SLC9B2: variants seen among roughly 807,000 people sequenced by gnomAD.
SLC9B2 encodes sodium/hydrogen exchanger 9B2.
Under a neutral mutation model 52.2 loss-of-function variants are expected in SLC9B2, and 39 were observed. That is an observed-to-expected ratio of 0.75 (90% CI 0.58 to 0.98). The LOEUF (loss-of-function observed/expected upper bound fraction) is 0.98. Among genes scored for constraint, SLC9B2 ranks in the 50% least tolerant of loss-of-function variants. SLC9B2 has a pLI of 0.00. For synonymous variants in SLC9B2, 214 were observed against 227.0 expected, an observed-to-expected ratio of 0.94 and a Z score of 0.51; for missense variants, 626 against 637.5, an observed-to-expected ratio of 0.98 and a Z score of 0.19.
chr4:103,070,393 A>T lies in SLC9B2; in HGVS notation c.-42-2801T>A, dbSNP rs115091123. Among the ~76,000 whole-genome samples, 1,089 of 152,314 alleles carry T rather than the reference A, an allele frequency of 7.1e-3. 19 individuals carry two copies. The highest frequency in any genetic ancestry group is 0.025 in the African/African-American group (1,030 of 41,562). On this transcript the variant is annotated intron_variant, in intron 1 of 11. Transcript: ENST00000394785. ...AAGTTTATTCTCCTTACTCATAGAG[A>T]GGCTCTTAAGGACTCATGCAGAGCC...
chr4:103,041,707 G>A (rs1743659561), intron 9 of SLC9B2, among the ~76,000 whole-genome samples: 1 of 152,074 alleles, frequency 6.6e-6, no homozygotes, highest in Non-Finnish European at 1.5e-5. Flanking sequence ...CACATGGTAA[G>A]TGTTACTCAA....
At chr4:103,050,160 T>G (rs1744538255) in intron 5 of SLC9B2, 80 bp downstream of exon 5, 1 of 1,267,434 alleles carries the variant, frequency 7.9e-7, no homozygotes, top group Admixed American at 2.8e-5. Flanking sequence ...CATTTCCTAA[T>G]GCTTAGTGAT....
downstream of SLC9B2, chr4:103,020,145 CTGTGGTG>C (rs1274235540): frequency 6.9e-6 from 2 of 287,778 alleles, no homozygotes; most frequent in African/African-American, 4.6e-5. Context: ...GTAAAGGACG[CTGTGGTG>C]GTGGTGTGAG....
intron 4 of SLC9B2, among the ~76,000 whole-genome samples, chr4:103,057,056 T>C (rs1745189315): frequency 6.6e-6 from 1 of 152,082 alleles, no homozygotes; most frequent in Non-Finnish European, 1.5e-5. Flanking sequence ...CAGATACTTC[T>C]ACCATGGCCG....
chr4:103,045,141 G>A (rs1744008329), intron 7 of SLC9B2, 145 bp from the exon 8 acceptor site: 1 of 609,084 alleles, frequency 1.6e-6, no homozygotes, highest in African/African-American at 1.9e-5. Context: ...AAATATGTAA[G>A]TGGAACCTAC....
chr4:103,021,504 C>A (rs953898384), downstream of SLC9B2, among the ~76,000 whole-genome samples: 1 of 151,956 alleles, frequency 6.6e-6, no homozygotes, highest in African/African-American at 2.4e-5. Context: ...TTTAAACAAT[C>A]ATCTGATAAC....
chr4:103,020,649 G>T (rs1741721466), downstream of SLC9B2, among the ~76,000 whole-genome samples: 1 of 152,048 alleles, frequency 6.6e-6, no homozygotes, highest in Non-Finnish European at 1.5e-5. Flanking sequence ...TGGTTTTGTT[G>T]ACGTTGTTGA....
At position 103,057,591 on chromosome 4, in the gene SLC9B2, A is replaced by G. The variant is rs530081713; in HGVS notation, c.442+210T>C. Among the ~76,000 whole-genome samples, 3 of 152,184 alleles carry G rather than the reference A, an allele frequency of 2.0e-5. No homozygotes were observed. The East Asian group carries it at 5.8e-4, about 29-fold the overall frequency. ...CAAAGTGCTGGGATTACAGGTGTGA[A>G]CCACAGCACACGGGCCAGGATAATT... On this transcript the variant is annotated intron_variant, in intron 4 of 11. Coordinates refer to ENST00000394785, the MANE Select transcript of SLC9B2 (RefSeq NM_178833.7).
intron 3 of SLC9B2, among the ~76,000 whole-genome samples, chr4:103,064,976 T>C (rs1422931872): frequency 6.6e-6 from 1 of 152,018 alleles, no homozygotes; most frequent in Non-Finnish European, 1.5e-5. Context: ...TGTAACAAGC[T>C]ACTTGGGAAG....
At chr4:103,045,673 A>C (rs529164128) in intron 7 of SLC9B2, among the ~76,000 whole-genome samples, 5 of 152,228 alleles carry the variant, frequency 3.3e-5, no homozygotes, top group African/African-American at 1.2e-4. Flanking sequence ...AGGTTCTTCG[A>C]GCTGTAGCTT....
chr4:103,064,043 G>A (rs966265739), intron 3 of SLC9B2, among the ~76,000 whole-genome samples: 1 of 152,210 alleles, frequency 6.6e-6, no homozygotes, highest in Non-Finnish European at 1.5e-5. Flanking sequence ...TGCACTATTG[G>A]TGGGAATGTA....
chr4:103,059,238 C>T (rs1421661834), intron 3 of SLC9B2, among the ~76,000 whole-genome samples: 1 of 152,158 alleles, frequency 6.6e-6, no homozygotes, highest in Admixed American at 6.5e-5. Context: ...GATGAATCTA[C>T]ACACTGACAT....
rs1307400514 is a variant in SLC9B2, at chr4:103,023,803, T to C, written c.*2567A>G. On this transcript the variant is annotated 3_prime_UTR_variant, in exon 12 of 12. Transcript: ENST00000394785. Reference sequence around the variant, plus strand: ...TCAATCATTTCTGTACTCTGTGGACTTCCATTTCTAATTTTCCTAGGGGCC... The same window carrying C: ...TCAATCATTTCTGTACTCTGTGGACCTCCATTTCTAATTTTCCTAGGGGCC... Among the ~76,000 whole-genome samples the C allele has an allele frequency of 6.6e-6, 1 of 152,220 alleles. No individual in the cohort carries two copies. The highest frequency in any genetic ancestry group is 2.4e-5 in the African/African-American group (1 of 41,442).
chr4:103,026,658 T>C (rs1742246705), intron 11 of SLC9B2, 67 bp from the exon 12 acceptor site: 4 of 1,475,568 alleles, frequency 2.7e-6, no homozygotes, highest in Non-Finnish European at 3.7e-6. Context: ...AGTGAGTTTT[T>C]TATTGTTTGC....
At chr4:103,041,682 A>C (rs1282641539) in intron 9 of SLC9B2, among the ~76,000 whole-genome samples, 1 of 152,164 alleles carries the variant, frequency 6.6e-6, no homozygotes, top group African/African-American at 2.4e-5. Flanking sequence ...AAAAGTTTAG[A>C]ATTATGTTTA....
chr4:103,074,559 A>G (rs915459372), intron 1 of SLC9B2, among the ~76,000 whole-genome samples: 2 of 152,338 alleles, frequency 1.3e-5, no homozygotes, highest in Non-Finnish European at 2.9e-5. Flanking sequence ...TTTCTCAAAA[A>G]TGTCCAGAAA....
chr4:103,027,677 A>T (rs1742344489), intron 11 of SLC9B2, among the ~76,000 whole-genome samples: 1 of 152,190 alleles, frequency 6.6e-6, no homozygotes, highest in South Asian at 2.1e-4. Context: ...AGTTGCTCAC[A>T]AAAACATGAA....
intron 1 of SLC9B2, among the ~76,000 whole-genome samples, chr4:103,069,179 T>G (rs1035781591): frequency 1.3e-5 from 2 of 152,202 alleles, no homozygotes; most frequent in African/African-American, 2.4e-5. Context: ...GAGAAAATGT[T>G]AGACTCAGAG....
At chr4:103,060,502 ATC>A (rs1289381932) in intron 3 of SLC9B2, among the ~76,000 whole-genome samples, 5 of 141,450 alleles carry the variant, frequency 3.5e-5, no homozygotes, top group African/African-American at 5.2e-5. Flanking sequence ...CATTTTTGAA[ATC>A]TGTTTTTTTG....
Sources: allele counts gnomAD v4.1 joint callset (sites outside exome capture counted in the v4.1 genomes callset), GRCh38; gene constraint gnomAD v4.1.1; transcripts MANE v1.5; gene names NCBI Gene and HGNC (gene_info 2026-07-23, HGNC 2026-07-21).